NLGN4Y: variants seen among roughly 807,000 people sequenced by gnomAD.
NLGN4Y encodes the protein neuroligin 4 Y-linked, also known as neuroligin-4, Y-linked.
Under a neutral mutation model 8.4 loss-of-function variants are expected in NLGN4Y, and 4 were observed. The observed-to-expected ratio is 0.48, with a 90% confidence interval of 0.23 to 1.09. The LOEUF (loss-of-function observed/expected upper bound fraction) is 1.09, where lower values mean the gene tolerates loss of function less well. Ranked by LOEUF, NLGN4Y falls within the 50% of genes least tolerant of loss-of-function variation. The pLI is 0.19. For missense variants in NLGN4Y, 90 were observed against 192.3 expected, an observed-to-expected ratio of 0.47 and a Z score of 3.15; for synonymous variants, 35 against 75.6, an observed-to-expected ratio of 0.46 and a Z score of 2.78.
At chrY:14,575,232 G>T (rs775745456) in intron 1 of NLGN4Y, among the ~76,000 whole-genome samples, 1 of 33,517 alleles carries the variant, frequency 3.0e-5, no homozygotes, top group South Asian at 6.8e-4. Context: ...ACATCAATCA[G>T]ATGTAGATTT....
intron 1 of NLGN4Y, among the ~76,000 whole-genome samples, chrY:14,531,526 T>C: frequency 3.2e-5 from 1 of 31,306 alleles, no homozygotes; most frequent in Non-Finnish European, 7.7e-5. Context: ...AACTTACTTA[T>C]ACAAAATACA....
intron 1 of NLGN4Y, among the ~76,000 whole-genome samples, chrY:14,597,451 G>C (rs2080406551): frequency 3.0e-5 from 1 of 32,918 alleles, no homozygotes; most frequent in African/African-American, 1.2e-4. Context: ...TCAGGGTGCT[G>C]CTTGGCGCGT....
At chrY:14,631,091 A>C (rs1603501696) in intron 2 of NLGN4Y, among the ~76,000 whole-genome samples, 1 of 32,526 alleles carries the variant, frequency 3.1e-5, no homozygotes, top group East Asian at 8.0e-4. Flanking sequence ...TTCAAGAAGG[A>C]GTTTTGCTCT....
At chrY:14,770,768 G>A in intron 4 of NLGN4Y, among the ~76,000 whole-genome samples, 1 of 33,006 alleles carries the variant, frequency 3.0e-5, no homozygotes, top group Non-Finnish European at 7.4e-5. Context: ...AGCTAAAGGA[G>A]CATGTTCTAA....
intron 4 of NLGN4Y, among the ~76,000 whole-genome samples, chrY:14,739,507 C>A (rs913348065): frequency 3.4e-4 from 11 of 32,749 alleles, no homozygotes; most frequent in Non-Finnish European, 6.7e-4. Context: ...ACTTTCAGGA[C>A]GTGTTGGCAG....
intron 2 of NLGN4Y, among the ~76,000 whole-genome samples, chrY:14,647,108 A>T (rs2080613409): frequency 2.9e-5 from 1 of 34,219 alleles, no homozygotes; most frequent in Non-Finnish European, 7.3e-5. Context: ...CCTCTACATT[A>T]TCTTGGTACA....
intron 2 of NLGN4Y, among the ~76,000 whole-genome samples, chrY:14,699,661 C>A (rs2080842856): frequency 3.0e-5 from 1 of 32,931 alleles, no homozygotes; most frequent in Non-Finnish European, 7.5e-5. Context: ...ATAACAATAA[C>A]AATTCTAAAC....
chrY:14,587,861 C>G, intron 1 of NLGN4Y, among the ~76,000 whole-genome samples: 1 of 33,401 alleles, frequency 3.0e-5, no homozygotes, highest in Non-Finnish European at 7.4e-5. Flanking sequence ...CTACCTCTCT[C>G]TACGTGTCTA....
At chrY:14,811,542 A>G in intron 4 of NLGN4Y, among the ~76,000 whole-genome samples, 1 of 33,813 alleles carries the variant, frequency 3.0e-5, no homozygotes, top group East Asian at 7.6e-4. Context: ...TCTTCTGGTT[A>G]CTTGTCTCCA....
chrY:14,801,984 C>T, intron 4 of NLGN4Y, among the ~76,000 whole-genome samples: 1 of 33,135 alleles, frequency 3.0e-5, no homozygotes, highest in Non-Finnish European at 7.4e-5. Flanking sequence ...GATCATACCA[C>T]CAGACATTCT....
chrY:14,633,510 TAG>T (rs2080555747), intron 2 of NLGN4Y, among the ~76,000 whole-genome samples: 1 of 32,986 alleles, frequency 3.0e-5, no homozygotes, highest in Non-Finnish European at 7.4e-5. Flanking sequence ...GTATTTTTAG[TAG>T]AGATGGGTTT....
At chrY:14,752,856 G>A in intron 4 of NLGN4Y, among the ~76,000 whole-genome samples, 4 of 33,118 alleles carry the variant, frequency 1.2e-4, no homozygotes, top group South Asian at 6.6e-4. Flanking sequence ...CAGCTCATTC[G>A]TGTAACCCTT....
intron 2 of NLGN4Y, among the ~76,000 whole-genome samples, chrY:14,709,548 A>AAATTTGTAAT (rs2080893746): frequency 1.5e-4 from 5 of 33,346 alleles, no homozygotes. Context: ...CCTCACCTCT[A>AAATTTGTAAT]TTAAAAATAC....
At chrY:14,615,234 CTGTT>C (rs2080484391) in intron 1 of NLGN4Y, among the ~76,000 whole-genome samples, 1 of 32,921 alleles carries the variant, frequency 3.0e-5, no homozygotes, top group Non-Finnish European at 7.4e-5. Context: ...ATTTGGCTCT[CTGTT>C]TGTCTGTGAA....
chrY:14,688,775 G>T (rs765835329), intron 2 of NLGN4Y, among the ~76,000 whole-genome samples: 1 of 29,233 alleles, frequency 3.4e-5, no homozygotes, highest in East Asian at 8.7e-4. Context: ...ATAAAATTGG[G>T]ATCAATATGG....
chrY:14,542,271 C>T (rs924013719), intron 1 of NLGN4Y, among the ~76,000 whole-genome samples: 1 of 33,679 alleles, frequency 3.0e-5, no homozygotes, highest in Non-Finnish European at 7.4e-5. Flanking sequence ...ACATATGCCC[C>T]TAGTACAGGA....
intron 6 of NLGN4Y, 70 bp downstream of exon 6, chrY:14,830,589 T>A: frequency 6.2e-6 from 2 of 321,183 alleles, no homozygotes; most frequent in Non-Finnish European, 9.4e-6. Flanking sequence ...TAAGTGTTGC[T>A]TCTACCGGCA....
At chrY:14,563,193 C>G (rs2080240769) in intron 1 of NLGN4Y, among the ~76,000 whole-genome samples, 2 of 33,494 alleles carry the variant, frequency 6.0e-5, no homozygotes, top group Admixed American at 5.5e-4. Context: ...TCATAAGTAG[C>G]TTTAATTATT....
At chrY:14,788,779 G>A in intron 4 of NLGN4Y, among the ~76,000 whole-genome samples, 1 of 32,478 alleles carries the variant, frequency 3.1e-5, no homozygotes, top group African/African-American at 1.2e-4. Flanking sequence ...TAATAGCGAG[G>A]GGAATAAGAA....
Sources: gnomAD v4.1 joint callset for allele counts (sites outside exome capture counted in the v4.1 genomes callset) on GRCh38, gnomAD v4.1.1 for gene constraint, MANE v1.5 for transcripts, NCBI Gene and HGNC (gene_info 2026-07-23, HGNC 2026-07-21) for gene names.